Variants in LOC128125814 observed in about 807,000 individuals in gnomAD.
the LOC128125814 span, among the ~76,000 whole-genome samples, chr12:57,519,431 G>A: frequency 2.6e-5 from 4 of 152,122 alleles, no homozygotes; most frequent in Admixed American, 2.6e-4. Context: ...AAACTGTGTG[G>A]CACACAGTAG....
chr12:57,519,104 A>G, the LOC128125814 span: 2 of 531,712 alleles, frequency 3.8e-6, no homozygotes, highest in Non-Finnish European at 7.7e-6. Context: ...AGGTCTTCCC[A>G]TTTCTTCTCT....
At chr12:57,517,776 T>G in the LOC128125814 span, 2 of 428,184 alleles carry the variant, frequency 4.7e-6, no homozygotes, top group Non-Finnish European at 4.1e-6. Flanking sequence ...AAGAGAAATG[T>G]CAGCCATTTT....
the LOC128125814 span, among the ~76,000 whole-genome samples, chr12:57,518,085 T>C: frequency 1.3e-5 from 2 of 152,194 alleles, no homozygotes; most frequent in Non-Finnish European, 2.9e-5. Flanking sequence ...CCCAAAGTGC[T>C]GGGATTATAG....
At chr12:57,519,333 C>T in the LOC128125814 span, 454 of 406,320 alleles carry the variant, frequency 1.1e-3, 1 homozygote, top group African/African-American at 8.9e-3. Context: ...TCTGCTTTAG[C>T]TTTCTCCGTG....
At chr12:57,520,377 G>A in the LOC128125814 span, 5 of 398,614 alleles carry the variant, frequency 1.3e-5, no homozygotes, top group African/African-American at 6.2e-5. Flanking sequence ...CCAACTTTGA[G>A]GAGACGGGAG....
the LOC128125814 span, chr12:57,519,266 T>C: frequency 1.9e-6 from 1 of 523,548 alleles, no homozygotes. Context: ...CTAAGGTAAT[T>C]CCTGACCACC....
chr12:57,517,818 T>C, the LOC128125814 span: 7 of 429,016 alleles, frequency 1.6e-5, no homozygotes, highest in East Asian at 2.1e-4. Flanking sequence ...ACTTTTCTTT[T>C]TCTTTTTTTC....
chr12:57,519,047 A>G, the LOC128125814 span: 1 of 524,172 alleles, frequency 1.9e-6, no homozygotes, highest in Non-Finnish European at 3.9e-6. Flanking sequence ...AATCTAGATC[A>G]ATTCACTACC....
At chr12:57,518,641 C>A in the LOC128125814 span, among the ~76,000 whole-genome samples, 1 of 152,144 alleles carries the variant, frequency 6.6e-6, no homozygotes, top group South Asian at 2.1e-4. Flanking sequence ...CCCTGCAATC[C>A]AAAGTACTAG....
the LOC128125814 span, chr12:57,519,352 ATT>A: frequency 2.6e-6 from 1 of 386,552 alleles, no homozygotes; most frequent in South Asian, 1.9e-5. Context: ...TGGCACTTAT[ATT>A]TTGTTTACTG....
chr12:57,517,756 G>C, the LOC128125814 span: 2 of 447,642 alleles, frequency 4.5e-6, no homozygotes, highest in Non-Finnish European at 3.9e-6. Flanking sequence ...CTTGAACACT[G>C]TGGGCAACAA....
the LOC128125814 span, among the ~76,000 whole-genome samples, chr12:57,518,540 T>TC: frequency 6.6e-6 from 1 of 152,230 alleles, no homozygotes; most frequent in African/African-American, 2.4e-5. Context: ...TTGCTGATTT[T>TC]CCCCTTCCAA....
chr12:57,519,267 C>T, the LOC128125814 span: 18 of 520,890 alleles, frequency 3.5e-5, no homozygotes, highest in East Asian at 9.9e-4. Flanking sequence ...TAAGGTAATT[C>T]CTGACCACCT....
At chr12:57,519,196 C>T in the LOC128125814 span, 1 of 533,256 alleles carries the variant, frequency 1.9e-6, no homozygotes, top group Non-Finnish European at 3.8e-6. Context: ...CTCAAACCCT[C>T]CAATGACTTC....
chr12:57,520,271 G>A, the LOC128125814 span: 3 of 396,054 alleles, frequency 7.6e-6, no homozygotes. Flanking sequence ...GGGTTTGTAA[G>A]CACCACCCCA....
At chr12:57,519,444 C>T in the LOC128125814 span, among the ~76,000 whole-genome samples, 2 of 152,204 alleles carry the variant, frequency 1.3e-5, no homozygotes, top group East Asian at 3.9e-4. Context: ...CACAGTAGGT[C>T]CTCATTAAGT....
the LOC128125814 span, chr12:57,519,255 C>T: frequency 1.9e-6 from 1 of 528,928 alleles, no homozygotes; most frequent in South Asian, 1.4e-5. Flanking sequence ...GGAGGAATTA[C>T]CTAAGGTAAT....
the LOC128125814 span, among the ~76,000 whole-genome samples, chr12:57,519,600 C>A: frequency 6.6e-6 from 1 of 152,198 alleles, no homozygotes; most frequent in Non-Finnish European, 1.5e-5. Flanking sequence ...CCTGGGGAAC[C>A]CTCCCTTGCC....
chr12:57,520,336 G>A, the LOC128125814 span: 1 of 398,354 alleles, frequency 2.5e-6, no homozygotes, highest in Non-Finnish European at 4.4e-6. Context: ...TCACTGTGGA[G>A]GAGTGAGGCC....
Sources: allele counts gnomAD v4.1 joint callset (sites outside exome capture counted in the v4.1 genomes callset), GRCh38; gene constraint gnomAD v4.1.1; transcripts MANE v1.5.